TDRD12: variants seen among roughly 807,000 people sequenced by gnomAD.
The protein encoded by TDRD12 is putative ATP-dependent RNA helicase TDRD12.
A neutral mutation model predicts 133.5 loss-of-function variants in TDRD12; 158 were observed. That is an observed-to-expected ratio of 1.18 (90% CI 1.04 to 1.35). The LOEUF (loss-of-function observed/expected upper bound fraction) is 1.35, where lower values mean the gene tolerates loss of function less well. Ranked by LOEUF, TDRD12 falls within the 40% of genes most tolerant of loss-of-function variation. The pLI is 0.00. For missense variants in TDRD12, 1,443 were observed against 1,321.3 expected (o/e 1.09, Z -1.43); for synonymous variants, 460 against 477.9 (o/e 0.96, Z 0.49).
downstream of TDRD12, among the ~76,000 whole-genome samples, chr19:32,822,701 C>G (rs1390912866): frequency 6.6e-6 from 1 of 150,702 alleles, no homozygotes; most frequent in Admixed American, 6.6e-5. Flanking sequence ...GAGCCAAGAT[C>G]GCGCCACTGC....
chr19:32,811,083 T>G (rs1281287643), intron 23 of TDRD12, 127 bp from the exon 24 acceptor site: 4 of 716,274 alleles, frequency 5.6e-6, no homozygotes, highest in Non-Finnish European at 6.7e-6. Flanking sequence ...AGTTTTTTAT[T>G]TCTAGTATAG....
chr19:32,742,784 C>G, exon 4 of TDRD12: 2 of 1,551,086 alleles, frequency 1.3e-6, no homozygotes, highest in Non-Finnish European at 8.7e-7. Context: ...TTTTTAGCAT[C>G]CGAGTTGTAG....
intron 14 of TDRD12, among the ~76,000 whole-genome samples, chr19:32,795,313 A>G (rs1326052342): frequency 6.6e-6 from 1 of 150,740 alleles, no homozygotes; most frequent in Non-Finnish European, 1.5e-5. Flanking sequence ...AGCCTGGACA[A>G]TAAGAGCAAA....
intron 2 of TDRD12, among the ~76,000 whole-genome samples, chr19:32,737,456 C>T (rs539613846): frequency 3.3e-5 from 5 of 152,288 alleles, no homozygotes; most frequent in African/African-American, 9.6e-5. Context: ...CCACTCACCT[C>T]GACCTCCCAA....
chr19:32,807,453 T>A, intron 21 of TDRD12, 96 bp from the exon 22 acceptor site: 2 of 756,922 alleles, frequency 2.6e-6, no homozygotes, highest in Non-Finnish European at 4.0e-6. Flanking sequence ...AAAAGTTATC[T>A]GATTTAGGTT....
At chr19:32,751,786 A>G (rs1344388730) in intron 6 of TDRD12, among the ~76,000 whole-genome samples, 4 of 152,038 alleles carry the variant, frequency 2.6e-5, no homozygotes, top group African/African-American at 9.7e-5. Context: ...CTCAACAGGC[A>G]GTCTTCTCGC....
chr19:32,811,525 C>A, intron 24 of TDRD12, 105 bp downstream of exon 24: 1 of 1,116,392 alleles, frequency 9.0e-7, no homozygotes, highest in Non-Finnish European at 1.3e-6. Context: ...CACGTTTGGG[C>A]AGGGAAAGTG....
intron 6 of TDRD12, among the ~76,000 whole-genome samples, chr19:32,755,613 C>T (rs1191774384): frequency 2.6e-5 from 4 of 152,152 alleles, no homozygotes; most frequent in Non-Finnish European, 2.9e-5. Context: ...AGAATTTTGC[C>T]TCATCTGTTT....
chr19:32,731,762 G>C (rs1241780478), exon 2 of TDRD12: 1 of 1,549,674 alleles, frequency 6.5e-7, no homozygotes. Context: ...ATTATAAAAG[G>C]GTGTAGTCCC....
intron 6 of TDRD12, among the ~76,000 whole-genome samples, chr19:32,752,442 A>T (rs545995564): frequency 1.3e-5 from 2 of 152,136 alleles, no homozygotes; most frequent in Non-Finnish European, 2.9e-5. Flanking sequence ...GGCCTCCCAA[A>T]GTGCTGGGAT....
At chr19:32,806,609 T>C (rs1971558287) in intron 21 of TDRD12, among the ~76,000 whole-genome samples, 1 of 152,160 alleles carries the variant, frequency 6.6e-6, no homozygotes, top group African/African-American at 2.4e-5. Context: ...CCCACAGTGC[T>C]GGGATTACAG....
intron 21 of TDRD12, among the ~76,000 whole-genome samples, chr19:32,805,892 T>C (rs1971534689): frequency 6.6e-6 from 1 of 151,870 alleles, no homozygotes; most frequent in Admixed American, 6.6e-5. Flanking sequence ...CCACCATGCC[T>C]GGCTAATTTT....
intron 3 of TDRD12, among the ~76,000 whole-genome samples, chr19:32,742,003 A>T (rs1016967358): frequency 6.6e-6 from 1 of 152,234 alleles, no homozygotes; most frequent in Non-Finnish European, 1.5e-5. Flanking sequence ...AAAGTTGGCA[A>T]ATACTAATTA....
exon 10 of TDRD12, chr19:32,828,534 CTTGT>C (rs57115016): frequency 0.15 from 22,316 of 152,066 alleles, 1,694 homozygotes; most frequent in East Asian, 0.27. Flanking sequence ...CACTCTGTGT[CTTGT>C]TTATCAGCTT....
At chr19:32,820,955 A>G in intron 27 of TDRD12, 78 bp from the exon 28 acceptor site, 1 of 1,208,026 alleles carries the variant, frequency 8.3e-7, no homozygotes, top group Non-Finnish European at 1.2e-6. Flanking sequence ...CTTCACGGTC[A>G]TTTATTGCCT....
intron 9 of TDRD12, among the ~76,000 whole-genome samples, 172 bp downstream of exon 9, chr19:32,773,022 G>A (rs751529044): frequency 9.9e-5 from 15 of 152,174 alleles, no homozygotes; most frequent in Non-Finnish European, 1.9e-4. Flanking sequence ...ATTTTGAAAG[G>A]AGAAAGTAGC....
intron 4 of TDRD12, among the ~76,000 whole-genome samples, chr19:32,745,678 AG>A (rs1969583441): frequency 7.3e-6 from 1 of 137,640 alleles, no homozygotes; most frequent in African/African-American, 2.9e-5. Context: ...TGTGAGAGAG[AG>A]GGAGAGACTG....
At chr19:32,803,245 C>T (rs947365947) in intron 21 of TDRD12, 103 bp downstream of exon 21, 1 of 878,546 alleles carries the variant, frequency 1.1e-6, no homozygotes, top group African/African-American at 1.7e-5. Flanking sequence ...AGCCACCACC[C>T]ACTCTGAGGG....
intron 10 of TDRD12, among the ~76,000 whole-genome samples, chr19:32,773,911 G>A (rs1285164998): frequency 6.6e-6 from 1 of 152,198 alleles, no homozygotes; most frequent in African/African-American, 2.4e-5. Context: ...CCTAGAGTCT[G>A]TCTCCTCTTT....
Sources: allele counts gnomAD v4.1 joint callset (sites outside exome capture counted in the v4.1 genomes callset), GRCh38; gene constraint gnomAD v4.1.1; transcripts MANE v1.5; gene names NCBI Gene and HGNC (gene_info 2026-07-23, HGNC 2026-07-21).